The following NPTX1 variants were observed in gnomAD, a reference collection of about 807,000 sequenced individuals.
The protein encoded by NPTX1 is neuronal pentraxin 1.
Under a neutral mutation model 38.7 loss-of-function variants are expected in NPTX1, and 12 were observed. The ratio of observed to expected loss-of-function variants is 0.31; its 90% CI spans 0.20 to 0.50. The LOEUF (loss-of-function observed/expected upper bound fraction) is 0.50, where lower values mean the gene tolerates loss of function less well. Among genes scored for constraint, NPTX1 ranks in the 20% least tolerant of loss-of-function variants. The probability of loss-of-function intolerance (pLI) is 0.98; values close to 1 mark genes in which losing one functional copy is unlikely to be tolerated. For synonymous variants in NPTX1, 272 were observed against 264.9 expected (o/e 1.03, Z -0.26); for missense variants, 454 against 592.2 (o/e 0.77, Z 2.42).
rs2083822689 is a variant in NPTX1, at chr17:80,468,993, C to T, written c.*1820G>A. On this transcript the variant is annotated 3_prime_UTR_variant, in exon 5 of 5. Coordinates refer to ENST00000306773, the MANE Select transcript of NPTX1 (RefSeq NM_002522.4). ...CAGCACGGCGCCTGATCTGCACCCCCCTCTGCGGGAGTGATGCATTGCAGA... is the reference window on the plus strand; with the variant it reads ...CAGCACGGCGCCTGATCTGCACCCCTCTCTGCGGGAGTGATGCATTGCAGA... The T allele has an allele frequency of 6.6e-6, 1 of 152,304 alleles. No homozygotes were observed. Among genetic ancestry groups the T allele is most frequent in the Non-Finnish European group, 1.5e-5 (1 of 68,066 alleles). The allele number at this position is 152,304 out of a possible 1,614,324, so 9.4% of individuals were successfully genotyped here. A position where few individuals can be genotyped will look rare whatever the true frequency, so the allele number is the denominator to read the frequency against.
At position 80,467,242 on chromosome 17, in the gene NPTX1, T is replaced by G. The variant is rs1352656076; in HGVS notation, c.*3571A>C. ...CAACAAATTGCACTTCAGTCCACTG[T>G]GTACAGAAGTAATACATTTCCCATC... On this transcript the variant is annotated 3_prime_UTR_variant, in exon 5 of 5. Coordinates refer to ENST00000306773, the MANE Select transcript of NPTX1 (RefSeq NM_002522.4). 5 of 150,626 alleles carry G rather than the reference T, an allele frequency of 3.3e-5. No homozygotes were observed. The highest frequency in any genetic ancestry group is 4.9e-5 in the African/African-American group (2 of 40,932). 9.3% of individuals were successfully genotyped at this position (150,626 alleles called of 1,614,324 possible).
rs139333992 is a variant in NPTX1 at position 80,473,133 on chromosome 17, G to A, written c.897+67C>T. On this transcript the variant is annotated intron_variant, in intron 3 of 4. Coordinates refer to ENST00000306773, the MANE Select transcript of NPTX1 (RefSeq NM_002522.4). ...CTGAGGCCACCATAGCCCTGTCTCC[G>A]CATGCAACATGAGCTGGGGCCCTGG... 6.9e-4 allele frequency: 1,083 copies of A among 1,558,398 alleles called. 6 individuals are homozygous for A. The African/African-American group carries it at 0.013, about 19-fold the overall frequency.
chr17:80,470,468 G>T lies in NPTX1; in HGVS notation c.*345C>A, dbSNP rs1157196027. ...GTCCTCAAAGAAAAGGCCTCCCCCA[G>T]CCACGCACGCACACACGTAGACACA... On this transcript the variant is annotated 3_prime_UTR_variant, in exon 5 of 5. Transcript: ENST00000306773. 2 of 180,490 alleles carry T rather than the reference G, an allele frequency of 1.1e-5. No individual in the cohort carries two copies. The highest frequency in any genetic ancestry group is 2.8e-4 in the East Asian group (2 of 7,040). 11.2% of individuals were successfully genotyped at this position (180,490 alleles called of 1,614,324 possible).
Position 80,475,692 on chromosome 17 carries a change from G to A in NPTX1, c.471C>T (p.Ser157=). The A allele has an allele frequency of 6.2e-7, 1 of 1,612,458 alleles. No individual in the cohort carries two copies. Among genetic ancestry groups the A allele is most frequent in the Non-Finnish European group, 8.5e-7 (1 of 1,179,648 alleles). Residue 157 remains serine (S), a synonymous_variant, in exon 2 of 5, where the codon AGC becomes AGT. Coordinates refer to ENST00000306773, the MANE Select transcript of NPTX1 (RefSeq NM_002522.4). This position sits in a 1 kb window ranked among gnomAD's most constrained non-coding sequence, Gnocchi z 6.5. ...LEQYSRLNSS[S]QTNSLKDLLQ... is the part of the protein sequence containing the mutation. The stretch of plus-strand genomic sequence containing the variant: ...GCAGATCCTTGAGGCTGTTGGTCTG[G>A]CTGGAGGAATTGAGGCGGCTGTACT...
Position 80,475,555 on chromosome 17 carries a change from G to T in NPTX1, c.608C>A (p.Thr203Asn), listed in dbSNP as rs1384003832. 8.1e-6 allele frequency: 13 copies of T among 1,612,904 alleles called. No homozygotes were observed. The highest frequency in any genetic ancestry group is 1.1e-5 in the Non-Finnish European group (13 of 1,179,902). The part of the protein sequence containing the change: ...NDTEERVKIE[T>N]ALTSLHQRIS... ...CCGCTGGTGCAGGGAGGTCAGGGCG[G>T]TCTCGATCTTGACCCTCTCCTCGGT... is the stretch of plus-strand genomic sequence containing the variant. The change falls in exon 2 of 5, where the codon ACC becomes AAC. Residue 203 changes from threonine to asparagine, a missense_variant. Thr to Asn is a moderately conservative substitution (Grantham distance 65). This residue lies in a region of NPTX1 where 288 missense variants were observed against 318.4 expected (regional missense o/e 0.90). Transcript: ENST00000306773. The surrounding 1 kb of genome is among the most constrained non-coding windows in gnomAD (Gnocchi z 6.5).
chr17:80,475,564 T>C lies in NPTX1; in HGVS notation c.599A>G (p.Lys200Arg). 6.2e-7 allele frequency: 1 copy of C among 1,612,992 alleles called. No homozygotes were observed. Among genetic ancestry groups the C allele is most frequent in the East Asian group, 2.2e-5 (1 of 44,872 alleles). The change falls in exon 2 of 5, where the codon AAG becomes AGG. Residue 200 changes from lysine to arginine, a missense_variant. Physicochemically the swap from Lys to Arg is conservative, Grantham distance 26. Transcript: ENST00000306773. This position sits in a 1 kb window ranked among gnomAD's most constrained non-coding sequence, Gnocchi z 6.5. ...CAGGGAGGTCAGGGCGGTCTCGATC[T>C]TGACCCTCTCCTCGGTGTCGTTCCT... ...GPRNDTEERV[K>R]IETALTSLHQ...
In NPTX1 at chr17:80,476,459, C is replaced by G; in HGVS notation, c.-13G>C. 1 of 1,228,510 alleles carries G rather than the reference C, an allele frequency of 8.1e-7. No individual in the cohort carries two copies. The highest frequency in any genetic ancestry group is 1.0e-6 in the Non-Finnish European group (1 of 988,272). The allele number at this position is 1,228,510 out of a possible 1,614,324, so 76.1% of individuals were successfully genotyped here. Reference sequence around the variant, plus strand: ...GGCCGGCCGGCATGGCTGCGGGCACCGGGCGCTCCGGGCCCGGCTCGGCTC... The same window carrying G: ...GGCCGGCCGGCATGGCTGCGGGCACGGGGCGCTCCGGGCCCGGCTCGGCTC... On this transcript the variant is annotated 5_prime_UTR_variant, in exon 1 of 5. Coordinates refer to ENST00000306773, the MANE Select transcript of NPTX1 (RefSeq NM_002522.4). This position sits in a 1 kb window ranked among gnomAD's most constrained non-coding sequence, Gnocchi z 6.3.
Position 80,473,403 on chromosome 17 carries a change from A to G in NPTX1, c.694T>C (p.Phe232Leu). ...NRPGDKFQLT[F>L]PLRTNYMYAK... ...TACATATAGTTGGTCCGCAGTGGGA[A>G]TGTGAGCTGGAACTTGTCTCCAGGG... Residue 232 changes from phenylalanine (F) to leucine (L), a missense_variant, in exon 3 of 5, where the codon TTC (phenylalanine) becomes CTC (leucine). Phe to Leu is a conservative substitution (Grantham distance 22). This residue lies in a region of NPTX1 where 6 missense variants were observed against 22.4 expected (regional missense o/e 0.27). Transcript: ENST00000306773. The G allele has an allele frequency of 6.2e-7, 1 of 1,614,024 alleles. No individual in the cohort carries two copies. Among genetic ancestry groups the G allele is most frequent in the East Asian group, 2.2e-5 (1 of 44,878 alleles).
At position 80,471,626 on chromosome 17, in the gene NPTX1, G is replaced by A. The variant is rs975755876; in HGVS notation, c.1077+106C>T. On this transcript the variant is annotated intron_variant, in intron 4 of 4. Coordinates refer to ENST00000306773, the MANE Select transcript of NPTX1 (RefSeq NM_002522.4). ...AGCCTGCTCCCCGGGCTGCTTCTCA[G>A]GGGAACCACTTCTCCGGCTACCTCC... 7 of 1,483,742 alleles carry A rather than the reference G, an allele frequency of 4.7e-6. No individual in the cohort carries two copies. The African/African-American group carries it at 7.0e-5, about 15-fold the overall frequency. 91.9% of individuals were successfully genotyped at this position (1,483,742 alleles called of 1,614,324 possible). A position where few individuals can be genotyped will look rare whatever the true frequency, so the allele number is the denominator to read the frequency against.
intron 3 of NPTX1, among the ~76,000 whole-genome samples, chr17:80,472,587 C>T (rs1446386778): frequency 7.2e-5 from 11 of 152,180 alleles, no homozygotes; most frequent in East Asian, 1.9e-4. Flanking sequence ...GGAACAAGGG[C>T]GTGGAATCCA....
chr17:80,470,597 G>A lies in NPTX1; in HGVS notation c.*216C>T. 3 of 503,150 alleles carry A rather than the reference G, an allele frequency of 6.0e-6. No individual in the cohort carries two copies. Among genetic ancestry groups the A allele is most frequent in the East Asian group, 3.3e-5 (1 of 30,656 alleles). The allele number at this position is 503,150 out of a possible 1,614,324, so 31.2% of individuals were successfully genotyped here. A position where few individuals can be genotyped will look rare whatever the true frequency, so the allele number is the denominator to read the frequency against. On this transcript the variant is annotated 3_prime_UTR_variant, in exon 5 of 5. Transcript: ENST00000306773. ...GAATGGGGCATGCCTGAGAGAGTCC[G>A]GGCTCCTACAGAGAAGTGGGGCTTC...
rs1321601103 is a variant in NPTX1 at position 80,476,519 on chromosome 17, G to C, written c.-73C>G. 2 of 907,692 alleles carry C rather than the reference G, an allele frequency of 2.2e-6. No homozygotes were observed. Among genetic ancestry groups the C allele is most frequent in the Non-Finnish European group, 2.7e-6 (2 of 743,198 alleles). The allele number at this position is 907,692 out of a possible 1,614,324, so 56.2% of individuals were successfully genotyped here. On this transcript the variant is annotated 5_prime_UTR_variant, in exon 1 of 5. Transcript: ENST00000306773. This position sits in a 1 kb window ranked among gnomAD's most constrained non-coding sequence, Gnocchi z 6.3. ...TCGGCTCCGGCTGGGACCCGGCTCG[G>C]GCTGTGGCTCCGCGAGCGGCCCGCG...
rs1416904061 is a variant in NPTX1 at position 80,468,455 on chromosome 17, G to C, written c.*2358C>G. 1.3e-5 allele frequency: 2 copies of C among 152,310 alleles called. No individual in the cohort carries two copies. The highest frequency in any genetic ancestry group is 2.9e-5 in the Non-Finnish European group (2 of 68,116). The allele number at this position is 152,310 out of a possible 1,614,324, so 9.4% of individuals were successfully genotyped here. A position where few individuals can be genotyped will look rare whatever the true frequency, so the allele number is the denominator to read the frequency against. ...TGCGGTCCAGTAGATCGGCAGGGGC[G>C]GGGCTGGCCGGAGGTGCTGGCAGGG... On this transcript the variant is annotated 3_prime_UTR_variant, in exon 5 of 5. Transcript: ENST00000306773.
At chr17:80,473,142 A>G (rs2083851931) in intron 3 of NPTX1, 58 bp downstream of exon 3, 3 of 1,580,104 alleles carry the variant, frequency 1.9e-6, no homozygotes, top group East Asian at 4.5e-5. Context: ...CGCATGCAAC[A>G]TGAGCTGGGG....
chr17:80,475,493 TC>T lies in NPTX1; in HGVS notation c.652+17del. 2 of 1,589,446 alleles carry T rather than the reference TC, an allele frequency of 1.3e-6. No homozygotes were observed. The highest frequency in any genetic ancestry group is 8.6e-7 in the Non-Finnish European group (1 of 1,168,504). On this transcript the variant is annotated intron_variant, in intron 2 of 4. Coordinates refer to ENST00000306773, the MANE Select transcript of NPTX1 (RefSeq NM_002522.4). This position sits in a 1 kb window ranked among gnomAD's most constrained non-coding sequence, Gnocchi z 6.5. ...AGCAGGTGCAGGCAGGCAGCACGGC[TC>T]CCCCTGGCCCCAGTACCTTTCTCGA...
Position 80,473,309 on chromosome 17 carries a change from G to A in NPTX1, c.788C>T (p.Ala263Val). The A allele has an allele frequency of 6.2e-7, 1 of 1,614,046 alleles. No homozygotes were observed. Among genetic ancestry groups the A allele is most frequent in the Non-Finnish European group, 8.5e-7 (1 of 1,180,026 alleles). Reference sequence around the variant, plus strand: ...GAAGGGCGTGCCCACACCTGGCGTGGCGCTGGACTTGAGCCACATGCAGAC... The same window carrying A: ...GAAGGGCGTGCCCACACCTGGCGTGACGCTGGACTTGAGCCACATGCAGAC... ...FTVCMWLKSS[A>V]TPGVGTPFSY... The change falls in exon 3 of 5, where the codon GCC becomes GTC. Residue 263 changes from alanine (A) to valine (V), a missense_variant. By Grantham distance (64) the Ala-to-Val change is moderately conservative (BLOSUM62 0). Coordinates refer to ENST00000306773, the MANE Select transcript of NPTX1 (RefSeq NM_002522.4).
rs867908649 is a variant in NPTX1 at position 80,476,317 on chromosome 17, C to A, written c.130G>T (p.Ala44Ser). 2 of 1,549,906 alleles carry A rather than the reference C, an allele frequency of 1.3e-6. No individual in the cohort carries two copies. Among genetic ancestry groups the A allele is most frequent in the East Asian group, 2.4e-5 (1 of 41,466 alleles). ...SVPVDADMCA[A>S]SVAAGGAEEL... The stretch of plus-strand genomic sequence containing the variant: ...TCGGCGCCGCCGGCGGCCACGGACG[C>A]GGCGCACATGTCGGCGTCCACGGGC... Residue 44 changes from alanine (A) to serine (S), a missense_variant, in exon 1 of 5, where the codon GCG becomes TCG. By Grantham distance (99) the Ala-to-Ser change is moderately conservative (BLOSUM62 1). Around this residue, in one of 4 missense-constraint regions of NPTX1, gnomAD observed 288 missense variants for 318.4 expected, o/e 0.90. Transcript: ENST00000306773. This position sits in a 1 kb window ranked among gnomAD's most constrained non-coding sequence, Gnocchi z 6.3.
At position 80,476,076 on chromosome 17, in the gene NPTX1, G is replaced by C; in HGVS notation, c.371C>G (p.Thr124Arg). 6.2e-7 allele frequency: 1 copy of C among 1,608,302 alleles called. No individual in the cohort carries two copies. The highest frequency in any genetic ancestry group is 8.5e-7 in the Non-Finnish European group (1 of 1,178,528). Residue 124 changes from threonine to arginine, a missense_variant, in exon 1 of 5, where the codon ACA (threonine) becomes AGA (arginine). Around this residue, in one of 4 missense-constraint regions of NPTX1, gnomAD observed 288 missense variants for 318.4 expected, o/e 0.90. Transcript: ENST00000306773. This position sits in a 1 kb window ranked among gnomAD's most constrained non-coding sequence, Gnocchi z 6.3. ...TTGGCTGAGCGTCTCGGCGGCCGGT[G>C]TCCGGGACAGGTCGCCCATGGTGTT... ...GKNTMGDLSRTPAAETLSQLG... is the reference protein window; with the variant it reads ...GKNTMGDLSRRPAAETLSQLG...
At position 80,475,439 on chromosome 17, in the gene NPTX1, A is replaced by AGGGATCGGGACGGAGGC; in HGVS notation, c.652+71_652+72insGCCTCCGTCCCGATCCC. 1 of 1,212,692 alleles carries AGGGATCGGGACGGAGGC rather than the reference A, an allele frequency of 8.2e-7. No individual in the cohort carries two copies. Among genetic ancestry groups the AGGGATCGGGACGGAGGC allele is most frequent in the Non-Finnish European group, 1.2e-6 (1 of 860,614 alleles). The allele number at this position is 1,212,692 out of a possible 1,614,324, so 75.1% of individuals were successfully genotyped here. On this transcript the variant is annotated intron_variant, in intron 2 of 4. Coordinates refer to ENST00000306773, the MANE Select transcript of NPTX1 (RefSeq NM_002522.4). The surrounding 1 kb of genome is among the most constrained non-coding windows in gnomAD (Gnocchi z 6.5). Reference sequence around the variant, plus strand: ...TTGCACAGTGCAGAGCTGGGCTGTTAGGGATCGGGACCGAGGCAGGGTCGG... The same window carrying AGGGATCGGGACGGAGGC: ...TTGCACAGTGCAGAGCTGGGCTGTTAGGGATCGGGACGGAGGCGGGATCGGGACCGAGGCAGGGTCGG...
Sources: gnomAD v4.1 joint callset for allele counts (sites outside exome capture counted in the v4.1 genomes callset) on GRCh38, gnomAD v4.1.1 for gene constraint, gnomAD v4.1.1 regional missense constraint, Gnocchi (gnomAD v3.1) non-coding constraint, MANE v1.5 for transcripts, NCBI Gene and HGNC (gene_info 2026-07-23, HGNC 2026-07-21) for gene names.